The following THAP4 variants were observed in gnomAD, a reference collection of about 807,000 sequenced individuals.
The protein encoded by THAP4 is THAP domain containing 4, also known as peroxynitrite isomerase THAP4.
Under a neutral mutation model 48.1 loss-of-function variants are expected in THAP4, and 18 were observed. The observed-to-expected ratio is 0.37, with a 90% CI of 0.26 to 0.56. The LOEUF is 0.56. Ranked by LOEUF, THAP4 falls within the 20% of genes least tolerant of loss-of-function variation. The probability of loss-of-function intolerance (pLI) is 0.78; values close to 1 mark genes in which losing one functional copy is unlikely to be tolerated. For synonymous variants in THAP4, 345 were observed against 324.9 expected, an observed-to-expected ratio of 1.06 and a Z score of -0.66; for missense variants, 656 against 774.9, an observed-to-expected ratio of 0.85 and a Z score of 1.82.
intron 5 of THAP4, among the ~76,000 whole-genome samples, chr2:241,591,652 A>G (rs1050478756): frequency 6.6e-6 from 1 of 152,160 alleles, no homozygotes; most frequent in African/African-American, 2.4e-5. Context: ...TGCAGGGTGC[A>G]GGGTAGCTGG....
intron 1 of THAP4, among the ~76,000 whole-genome samples, chr2:241,635,219 A>C (rs2067620055): frequency 6.6e-6 from 1 of 152,166 alleles, no homozygotes; most frequent in East Asian, 1.9e-4. Flanking sequence ...CAGGAGGCTG[A>C]GGCTGCAGTG....
intron 2 of THAP4, chr2:241,617,499 C>G (rs2067362576): frequency 1.3e-6 from 2 of 1,542,274 alleles, no homozygotes; most frequent in Non-Finnish European, 1.7e-6. Flanking sequence ...TTGCACCTGG[C>G]TCTTAATGGC....
At chr2:241,620,087 G>A (rs1221087229) in intron 2 of THAP4, among the ~76,000 whole-genome samples, 1 of 102,354 alleles carries the variant, frequency 9.8e-6, no homozygotes, top group Non-Finnish European at 2.0e-5. Context: ...GTGAGTGAGG[G>A]GTGAGTGAGT....
chr2:241,635,373 T>C (rs913665415), intron 1 of THAP4, among the ~76,000 whole-genome samples: 5 of 152,278 alleles, frequency 3.3e-5, no homozygotes, highest in African/African-American at 1.2e-4. Flanking sequence ...CGCAGGAAGA[T>C]ACTGAATAGG....
At chr2:241,584,854 G>A in intron 5 of THAP4, 129 bp from the exon 6 acceptor site, 3 of 1,223,134 alleles carry the variant, frequency 2.5e-6, no homozygotes, top group Non-Finnish European at 3.5e-6. Context: ...GCCAGAGGAG[G>A]GTAGACACAC....
chr2:241,602,803 C>T (rs558752470), intron 4 of THAP4, among the ~76,000 whole-genome samples, 167 bp downstream of exon 4: 2 of 152,350 alleles, frequency 1.3e-5, no homozygotes, highest in African/African-American at 2.4e-5. Context: ...GCTACACAGT[C>T]GGCCCCGCAG....
intron 5 of THAP4, among the ~76,000 whole-genome samples, chr2:241,585,360 G>C (rs535495495): frequency 6.6e-6 from 1 of 150,714 alleles, no homozygotes; most frequent in Non-Finnish European, 1.5e-5. Context: ...TTCTCTGATG[G>C]GCACTATCTC....
At chr2:241,609,311 T>G (rs573567108) in intron 2 of THAP4, among the ~76,000 whole-genome samples, 9 of 152,208 alleles carry the variant, frequency 5.9e-5, no homozygotes, top group African/African-American at 1.9e-4. Context: ...AAGTTACCAT[T>G]AATGGAGAAA....
rs1194860662 is a variant in THAP4 at position 241,610,363 on chromosome 2, C to A, written c.1241-3890G>T. Among the ~76,000 whole-genome samples, 1 of 152,208 alleles carries A rather than the reference C, an allele frequency of 6.6e-6. No individual in the cohort carries two copies. The highest frequency in any genetic ancestry group is 1.5e-5 in the Non-Finnish European group (1 of 68,032). On this transcript the variant is annotated intron_variant, in intron 2 of 5. Coordinates refer to ENST00000407315, the MANE Select transcript of THAP4 (RefSeq NM_015963.6). This position sits in a 1 kb window ranked among gnomAD's most constrained non-coding sequence, Gnocchi z 4.2. ...GACCGGGAGGGCCGCGCTCGCCCCC[C>A]AGCGCCAGGGTCACGCCACCGCGCC...
chr2:241,607,414 G>C (rs1456991775), intron 2 of THAP4, among the ~76,000 whole-genome samples: 1 of 151,826 alleles, frequency 6.6e-6, no homozygotes, highest in Non-Finnish European at 1.5e-5. Flanking sequence ...CCTGTGCGGG[G>C]ACCACAGGAA....
chr2:241,594,587 CAA>C (rs2067025845), intron 5 of THAP4: 1 of 359,302 alleles, frequency 2.8e-6, no homozygotes, highest in Non-Finnish European at 5.5e-6. Context: ...CAAAACAAAA[CAA>C]AACAACAACA....
chr2:241,618,377 C>T (rs1469759803), intron 2 of THAP4, among the ~76,000 whole-genome samples: 1 of 152,184 alleles, frequency 6.6e-6, no homozygotes, highest in Non-Finnish European at 1.5e-5. Context: ...ATCTGAGTCT[C>T]AATTGAAGAA....
At chr2:241,607,237 G>A (rs1364855726) in intron 2 of THAP4, among the ~76,000 whole-genome samples, 1 of 152,090 alleles carries the variant, frequency 6.6e-6, no homozygotes, top group Non-Finnish European at 1.5e-5. Flanking sequence ...ACAGCAGGGA[G>A]GGGCCGCTGG....
At chr2:241,593,393 G>A (rs1019180749) in intron 5 of THAP4, among the ~76,000 whole-genome samples, 5 of 152,228 alleles carry the variant, frequency 3.3e-5, no homozygotes, top group Non-Finnish European at 5.9e-5. Flanking sequence ...AACAGCCCCC[G>A]ACTGGAATGG....
rs144362139 is a variant in THAP4 at position 241,613,708 on chromosome 2, G to A, written c.1241-7235C>T. Among the ~76,000 whole-genome samples, 172 of 152,114 alleles carry A rather than the reference G, an allele frequency of 1.1e-3. 1 individual carries two copies. Among genetic ancestry groups the A allele is most frequent in the African/African-American group, 3.7e-3 (155 of 41,498 alleles). On this transcript the variant is annotated intron_variant, in intron 2 of 5. Transcript: ENST00000407315. ...AGGCAGAGATCGCAATGAGCCGAGA[G>A]CACATCACTACACTCCAACCTGGGT...
Position 241,633,215 on chromosome 2 carries a change from T to C in THAP4, c.942A>G (p.Glu314=). The change falls in exon 2 of 6, where the codon GAA becomes GAG. Residue 314 remains glutamate, a synonymous_variant. Transcript: ENST00000407315. This position sits in a 1 kb window ranked among gnomAD's most constrained non-coding sequence, Gnocchi z 7.5. The stretch of plus-strand genomic sequence containing the variant: ...CGTCGCTGTGCTCGCTCTGCACGGC[T>C]TCCGTGGCTGGCTTTGGGGTGACGT... The part of the protein sequence containing the change: ...PADVTPKPAT[E]AVQSEHSDAS... 6.2e-7 allele frequency: 1 copy of C among 1,609,622 alleles called. No individual in the cohort carries two copies. The highest frequency in any genetic ancestry group is 8.5e-7 in the Non-Finnish European group (1 of 1,177,574).
Position 241,612,652 on chromosome 2 carries a change from G to A in THAP4, c.1241-6179C>T, listed in dbSNP as rs1441312845. On this transcript the variant is annotated intron_variant, in intron 2 of 5. Coordinates refer to ENST00000407315, the MANE Select transcript of THAP4 (RefSeq NM_015963.6). This position sits in a 1 kb window ranked among gnomAD's most constrained non-coding sequence, Gnocchi z 4.1. ...GCCCTTGACAACACACCATATGAAA[G>A]CAATCAGGCTCAAAAGAGCACATAT... is the stretch of plus-strand genomic sequence containing the variant. Among the ~76,000 whole-genome samples the A allele has an allele frequency of 6.6e-6, 1 of 152,224 alleles. No individual in the cohort carries two copies. Among genetic ancestry groups the A allele is most frequent in the African/African-American group, 2.4e-5 (1 of 41,460 alleles).
At chr2:241,591,806 TAGTG>T (rs1349993215) in intron 5 of THAP4, 2 of 152,168 alleles carry the variant, frequency 1.3e-5, no homozygotes, top group African/African-American at 4.8e-5. Context: ...TTTGACCTGT[TAGTG>T]AGGAAAGACT....
intron 2 of THAP4, among the ~76,000 whole-genome samples, chr2:241,629,901 G>A (rs1031719962): frequency 1.3e-5 from 2 of 151,852 alleles, no homozygotes; most frequent in African/African-American, 2.4e-5. Flanking sequence ...GCTCTGGTCC[G>A]CTGACTAACA....
Sources: allele counts gnomAD v4.1 joint callset (sites outside exome capture counted in the v4.1 genomes callset), GRCh38; gene constraint gnomAD v4.1.1; non-coding constraint Gnocchi (gnomAD v3.1); transcripts MANE v1.5; gene names NCBI Gene and HGNC (gene_info 2026-07-23, HGNC 2026-07-21).